Variants in ARNT observed in about 807,000 individuals in gnomAD.
ARNT encodes class E basic helix-loop-helix protein 2.
A neutral mutation model predicts 105.0 loss-of-function variants in ARNT; 30 were observed. That is an observed-to-expected ratio of 0.29 (90% CI 0.21 to 0.39). The LOEUF is 0.39. Ranked by LOEUF, ARNT falls within the 10% of genes least tolerant of loss-of-function variation. The probability of loss-of-function intolerance (pLI) is 1.00; values close to 1 mark genes in which losing one functional copy is unlikely to be tolerated. For synonymous variants in ARNT, 304 were observed against 344.0 expected, an observed-to-expected ratio of 0.88 and a Z score of 1.29; for missense variants, 748 against 978.7, an observed-to-expected ratio of 0.76 and a Z score of 3.15.
At chr1:150,825,918 A>G (rs1461559732) in intron 13 of ARNT, among the ~76,000 whole-genome samples, 1 of 150,462 alleles carries the variant, frequency 6.6e-6, no homozygotes, top group East Asian at 1.9e-4. Context: ...TTTCTTTTTT[A>G]TCTTTTTTTT....
rs587659166 is a variant in ARNT at position 150,850,078 on chromosome 1, T to C, written c.182+2684A>G. On this transcript the variant is annotated intron_variant, in intron 3 of 21. Transcript: ENST00000358595. ...AAAAAACAAACAAATAAATAGTCCA[T>C]TTTAAAAGCTCCAGAATATTAACAA... Among the ~76,000 whole-genome samples, 157 of 152,128 alleles carry C rather than the reference T, an allele frequency of 1.0e-3. 1 individual carries two copies. The highest frequency in any genetic ancestry group is 3.7e-3 in the African/African-American group (153 of 41,508).
chr1:150,876,435 CCCCGG>C (rs1668275422), intron 1 of ARNT, 103 bp downstream of exon 1: 1 of 1,506,678 alleles, frequency 6.6e-7, no homozygotes, highest in Non-Finnish European at 8.9e-7. Flanking sequence ...CCCCGCCCCG[CCCCGG>C]CGCCTTCAGC....
chr1:150,812,152 T>C, intron 21 of ARNT, 42 bp from the exon 22 acceptor site: 1 of 1,412,606 alleles, frequency 7.1e-7, no homozygotes, highest in Non-Finnish European at 9.5e-7. Context: ...CACACCTTGA[T>C]CTCTTACACT....
intron 6 of ARNT, among the ~76,000 whole-genome samples, chr1:150,838,905 C>T (rs1660787718): frequency 6.6e-6 from 1 of 152,142 alleles, no homozygotes; most frequent in Non-Finnish European, 1.5e-5. Context: ...TCTGTGATAT[C>T]CTGCCACTCA....
intron 1 of ARNT, among the ~76,000 whole-genome samples, chr1:150,870,229 T>C (rs1224737799): frequency 6.6e-6 from 1 of 152,218 alleles, no homozygotes; most frequent in Non-Finnish European, 1.5e-5. Flanking sequence ...ACGATTGTTA[T>C]AAAAATTAAA....
chr1:150,816,738 A>T (rs1438453939), intron 18 of ARNT, 50 bp downstream of exon 18: 3 of 1,496,704 alleles, frequency 2.0e-6, no homozygotes. Flanking sequence ...TGGATTCAGC[A>T]GCTGAATCCC....
At chr1:150,868,805 G>A (rs2102448920) in intron 1 of ARNT, among the ~76,000 whole-genome samples, 1 of 152,228 alleles carries the variant, frequency 6.6e-6, no homozygotes, top group South Asian at 2.1e-4. Context: ...GGCTGAGGCA[G>A]GAGAATCGCT....
chr1:150,816,306 C>CCGTA lies in ARNT; in HGVS notation c.1902_1903insTACG (p.Ala635TyrfsTer26). ...GTAGTAGGGGTCCAAGTTGGGGTTGCTCCTTGGGTGGGGTTGGAGTGGCGG... is the reference window on the plus strand; with the variant it reads ...GTAGTAGGGGTCCAAGTTGGGGTTGCCGTATCCTTGGGTGGGGTTGGAGTGGCGG... On this transcript the variant is annotated frameshift_variant, in exon 19 of 22. Coordinates refer to ENST00000358595, the MANE Select transcript of ARNT (RefSeq NM_001668.4). LOFTEE classifies it high-confidence loss of function. The CCGTA allele has an allele frequency of 6.2e-7, 1 of 1,606,918 alleles. No individual in the cohort carries two copies. Among genetic ancestry groups the CCGTA allele is most frequent in the Admixed American group, 1.7e-5 (1 of 57,594 alleles).
intron 1 of ARNT, among the ~76,000 whole-genome samples, chr1:150,875,676 A>G (rs1045091155): frequency 3.3e-5 from 5 of 152,246 alleles, no homozygotes; most frequent in Admixed American, 6.5e-5. Context: ...GGCTGGGACT[A>G]GTAATTTGAA....
chr1:150,856,308 C>T (rs1382187799), intron 2 of ARNT, among the ~76,000 whole-genome samples: 9 of 151,930 alleles, frequency 5.9e-5, no homozygotes, highest in African/African-American at 1.7e-4. Flanking sequence ...GGCATCATGG[C>T]GGGCGCCTGT....
At chr1:150,857,006 TA>T (rs1458292004) in intron 2 of ARNT, among the ~76,000 whole-genome samples, 1 of 152,190 alleles carries the variant, frequency 6.6e-6, no homozygotes, top group East Asian at 1.9e-4. Flanking sequence ...TTTTTCTGAT[TA>T]CCAATCATAC....
At chr1:150,816,557 C>T in intron 18 of ARNT, 151 bp from the exon 19 acceptor site, 1 of 1,065,814 alleles carries the variant, frequency 9.4e-7, no homozygotes, top group Non-Finnish European at 1.3e-6. Flanking sequence ...ACAAGAAAGA[C>T]TGACAGTCAC....
chr1:150,822,949 C>T (rs1296511229), intron 14 of ARNT, among the ~76,000 whole-genome samples: 1 of 152,152 alleles, frequency 6.6e-6, no homozygotes, highest in Non-Finnish European at 1.5e-5. Flanking sequence ...TGGAGTCTCG[C>T]TCTGTAGCCC....
chr1:150,862,901 A>G (rs1665900373), intron 1 of ARNT, among the ~76,000 whole-genome samples: 1 of 151,754 alleles, frequency 6.6e-6, no homozygotes, highest in Non-Finnish European at 1.5e-5. Context: ...AAATACAAAA[A>G]TTAGCCAGGC....
At chr1:150,817,877 C>T (rs756164238) in intron 15 of ARNT, 43 bp downstream of exon 15, 11 of 1,488,894 alleles carry the variant, frequency 7.4e-6, no homozygotes, top group Non-Finnish European at 9.2e-6. Flanking sequence ...ATGACCACCC[C>T]CTGGGTGACT....
At chr1:150,822,422 T>G (rs1256592341) in intron 14 of ARNT, among the ~76,000 whole-genome samples, 1 of 152,114 alleles carries the variant, frequency 6.6e-6, no homozygotes, top group African/African-American at 2.4e-5. Flanking sequence ...TACCTAAGGT[T>G]AAGTTGATTA....
At chr1:150,873,737 A>C (rs1667824536) in intron 1 of ARNT, among the ~76,000 whole-genome samples, 2 of 152,166 alleles carry the variant, frequency 1.3e-5, no homozygotes, top group South Asian at 4.2e-4. Flanking sequence ...TGGGCAACAT[A>C]GCAAGATCCC....
At chr1:150,825,743 G>A (rs956405587) in intron 13 of ARNT, among the ~76,000 whole-genome samples, 10 of 151,808 alleles carry the variant, frequency 6.6e-5, no homozygotes, top group African/African-American at 2.4e-4. Flanking sequence ...CAGCTACTCG[G>A]GGGGCTGAAA....
Position 150,829,243 on chromosome 1 carries a change from TA to T in ARNT, c.1033-17del. The T allele has an allele frequency of 6.2e-7, 1 of 1,610,580 alleles. No homozygotes were observed. The highest frequency in any genetic ancestry group is 1.1e-5 in the South Asian group (1 of 90,698). On this transcript the variant is annotated splice_polypyrimidine_tract_variant and intron_variant, in intron 11 of 21. Coordinates refer to ENST00000358595, the MANE Select transcript of ARNT (RefSeq NM_001668.4). Reference sequence around the variant, plus strand: ...AACTAGTTACCTGAGAGTGAAGAGATAAAAATGAGGTAAAATGATACCATTA... The same window carrying T: ...AACTAGTTACCTGAGAGTGAAGAGATAAAATGAGGTAAAATGATACCATTA...
Sources: gnomAD v4.1 joint callset for allele counts (sites outside exome capture counted in the v4.1 genomes callset) on GRCh38, gnomAD v4.1.1 for gene constraint, MANE v1.5 for transcripts, NCBI Gene and HGNC (gene_info 2026-07-23, HGNC 2026-07-21) for gene names.